The following TEX36 variants were observed in gnomAD, a reference collection of about 807,000 sequenced individuals.
TEX36 encodes the protein testis expressed 36.
In TEX36, 12 loss-of-function variants were observed where a neutral mutation model predicts 13.6. The observed-to-expected ratio is 0.88, with a 90% CI of 0.56 to 1.43. The LOEUF is 1.43. Among genes scored for constraint, TEX36 ranks in the 40% most tolerant of loss-of-function variants. The pLI, the probability that TEX36 is intolerant of heterozygous loss-of-function variation, is 0.00. For missense variants in TEX36, 224 were observed against 228.3 expected, an observed-to-expected ratio of 0.98 and a Z score of 0.12; for synonymous variants, 93 against 83.0, an observed-to-expected ratio of 1.12 and a Z score of -0.65.
At chr10:125,612,809 G>GAAAA (rs35721943) in intron 3 of TEX36, among the ~76,000 whole-genome samples, 2 of 146,230 alleles carry the variant, frequency 1.4e-5, no homozygotes, top group Non-Finnish European at 1.5e-5. Flanking sequence ...TTACAAACAG[G>GAAAA]AAAAAAAAAA....
At chr10:125,645,699 G>A (rs1846759107) in intron 3 of TEX36, among the ~76,000 whole-genome samples, 1 of 152,074 alleles carries the variant, frequency 6.6e-6, no homozygotes, top group African/African-American at 2.4e-5. Flanking sequence ...TATTTTACCA[G>A]AGTTATGCCA....
intron 3 of TEX36, among the ~76,000 whole-genome samples, chr10:125,648,080 G>A (rs980414379): frequency 6.6e-6 from 1 of 152,196 alleles, no homozygotes; most frequent in Admixed American, 6.5e-5. Flanking sequence ...CTGGGGGCAG[G>A]GCATAGCCAA....
intron 1 of TEX36, among the ~76,000 whole-genome samples, chr10:125,673,408 AT>A (rs959901446): frequency 4.9e-4 from 75 of 152,056 alleles, no homozygotes; most frequent in Non-Finnish European, 5.9e-4. Context: ...TGAGTTGGAA[AT>A]TTTTTGCTTT....
intron 3 of TEX36, among the ~76,000 whole-genome samples, chr10:125,597,418 C>A (rs1250965521): frequency 2.6e-5 from 4 of 152,264 alleles, no homozygotes; most frequent in South Asian, 2.1e-4. Flanking sequence ...GCAAAGAGAA[C>A]CTTGCAACTA....
chr10:125,600,669 C>A (rs1234166364), intron 3 of TEX36, among the ~76,000 whole-genome samples: 2 of 152,188 alleles, frequency 1.3e-5, no homozygotes, highest in Non-Finnish European at 2.9e-5. Context: ...CCAATCACAA[C>A]CCTCTATGCA....
intron 1 of TEX36, among the ~76,000 whole-genome samples, chr10:125,663,408 TACTC>T (rs1274386749): frequency 6.6e-6 from 1 of 152,222 alleles, no homozygotes; most frequent in African/African-American, 2.4e-5. Context: ...TTTTAGTAGA[TACTC>T]AGTAGTAGCA....
chr10:125,653,211 A>G (rs1488867383), downstream of TEX36, among the ~76,000 whole-genome samples: 1 of 152,150 alleles, frequency 6.6e-6, no homozygotes, highest in East Asian at 1.9e-4. Context: ...GGCACTATTC[A>G]CAATAGCAAA....
At chr10:125,626,884 C>T (rs1222108706) in intron 3 of TEX36, among the ~76,000 whole-genome samples, 2 of 152,196 alleles carry the variant, frequency 1.3e-5, no homozygotes, top group Non-Finnish European at 2.9e-5. Flanking sequence ...TGGCCTTGCA[C>T]TTCCCTCCAG....
chr10:125,649,874 C>A (rs1265487287), intron 3 of TEX36, among the ~76,000 whole-genome samples: 4 of 152,040 alleles, frequency 2.6e-5, no homozygotes, highest in Non-Finnish European at 5.9e-5. Context: ...AGACTTTAAA[C>A]CAACAAAGAT....
intron 3 of TEX36, among the ~76,000 whole-genome samples, chr10:125,604,266 T>G (rs1275385255): frequency 5.9e-5 from 9 of 152,138 alleles, no homozygotes; most frequent in Admixed American, 2.0e-4. Context: ...TCCCCATCAC[T>G]TGCATTACCG....
Position 125,683,004 on chromosome 10 carries a change from T to C in TEX36, c.-15A>G, listed in dbSNP as rs1303055749. The C allele has an allele frequency of 6.4e-7, 1 of 1,551,706 alleles. No individual in the cohort carries two copies. Among genetic ancestry groups the C allele is most frequent in the Admixed American group, 2.0e-5 (1 of 51,008 alleles). On this transcript the variant is annotated 5_prime_UTR_variant, in exon 1 of 4. Coordinates refer to ENST00000368821, the MANE Select transcript of TEX36 (RefSeq NM_001128202.3). ...CCTTTGGTCATTCTCTCCAGGAAGCTGAATGTGGCTGAGATTGGCTCCCTC... is the reference window on the plus strand; with the variant it reads ...CCTTTGGTCATTCTCTCCAGGAAGCCGAATGTGGCTGAGATTGGCTCCCTC...
At chr10:125,615,424 A>G (rs1846343864) in intron 3 of TEX36, among the ~76,000 whole-genome samples, 1 of 151,968 alleles carries the variant, frequency 6.6e-6, no homozygotes, top group African/African-American at 2.4e-5. Context: ...TGGGTTTGTC[A>G]TAGATAGCTC....
Position 125,656,178 on chromosome 10 carries a change from T to G in TEX36, c.283A>C (p.Ile95Leu). The G allele has an allele frequency of 6.6e-7, 1 of 1,516,294 alleles. No individual in the cohort carries two copies. Among genetic ancestry groups the G allele is most frequent in the Non-Finnish European group, 8.8e-7 (1 of 1,132,508 alleles). 93.9% of individuals were successfully genotyped at this position (1,516,294 alleles called of 1,614,324 possible). A position where few individuals can be genotyped will look rare whatever the true frequency, so the allele number is the denominator to read the frequency against. Residue 95 changes from isoleucine (I) to leucine (L), a missense_variant, in exon 4 of 4, where the codon ATC becomes CTC. Transcript: ENST00000368821. ...ACATGTTGCCTCTTATCTGGAGAGATCTTCTTACGTCCCAGGCCCTGGAGA... is the reference window on the plus strand; with the variant it reads ...ACATGTTGCCTCTTATCTGGAGAGAGCTTCTTACGTCCCAGGCCCTGGAGA... ...YLDSGLGRKK[I>L]SPDKRQHVSR...
At chr10:125,621,954 T>C (rs1189745261) in intron 3 of TEX36, among the ~76,000 whole-genome samples, 3 of 152,166 alleles carry the variant, frequency 2.0e-5, no homozygotes, top group Middle Eastern at 3.2e-3. Flanking sequence ...TCACCCACAT[T>C]GAGGGCGGGT....
At chr10:125,603,995 C>G (rs1306636877) in intron 3 of TEX36, among the ~76,000 whole-genome samples, 1 of 152,172 alleles carries the variant, frequency 6.6e-6, no homozygotes, top group East Asian at 1.9e-4. Context: ...AGTCCAGCCT[C>G]CCCCGGGACC....
intron 1 of TEX36, among the ~76,000 whole-genome samples, chr10:125,678,356 A>G (rs902723951): frequency 6.6e-6 from 1 of 151,988 alleles, no homozygotes; most frequent in Non-Finnish European, 1.5e-5. Flanking sequence ...GCTGTGATGA[A>G]GTTGTGCTGG....
intron 3 of TEX36, among the ~76,000 whole-genome samples, chr10:125,613,679 A>G (rs1846320540): frequency 6.6e-6 from 1 of 151,810 alleles, no homozygotes; most frequent in African/African-American, 2.4e-5. Context: ...CCAGTCTATC[A>G]TTGTTGGACA....
chr10:125,595,576 C>T (rs1353186500), intron 3 of TEX36, among the ~76,000 whole-genome samples: 1 of 152,182 alleles, frequency 6.6e-6, no homozygotes, highest in Non-Finnish European at 1.5e-5. Context: ...GTGCTCCTCC[C>T]CAGCCACCTT....
Position 125,666,586 on chromosome 10 carries a change from T to G in TEX36, c.52-4609A>C, listed in dbSNP as rs562082579. ...GTATATTGTCTTTTTGATGTGCTGTTGCATTTAGTTTGCTGGTATTTTGTT... is the reference window on the plus strand; with the variant it reads ...GTATATTGTCTTTTTGATGTGCTGTGGCATTTAGTTTGCTGGTATTTTGTT... On this transcript the variant is annotated intron_variant, in intron 1 of 3. Coordinates refer to ENST00000368821, the MANE Select transcript of TEX36 (RefSeq NM_001128202.3). 1.2e-4 allele frequency among the ~76,000 whole-genome samples: 18 copies of G among 152,350 alleles called. 2 individuals are homozygous for G. The South Asian group carries it at 3.7e-3, about 32-fold the overall frequency.
Sources: gnomAD v4.1 joint callset for allele counts (sites outside exome capture counted in the v4.1 genomes callset) on GRCh38, gnomAD v4.1.1 for gene constraint, MANE v1.5 for transcripts, NCBI Gene and HGNC (gene_info 2026-07-23, HGNC 2026-07-21) for gene names.